The following KLHDC10 variants were observed in gnomAD, a reference collection of about 807,000 sequenced individuals.
The protein encoded by KLHDC10 is kelch domain containing 10.
KLHDC10 carries 24 observed loss-of-function variants against 56.1 expected under a neutral mutation model. That is an observed-to-expected ratio of 0.43 (90% CI 0.31 to 0.60). The LOEUF is 0.60. KLHDC10 is among the 20% of genes least tolerant of loss of function. The pLI is 0.11. For missense variants in KLHDC10, 349 were observed against 567.0 expected (o/e 0.62, Z 3.91); for synonymous variants, 188 against 207.1 (o/e 0.91, Z 0.79).
Position 130,116,496 on chromosome 7 carries a change from C to A in KLHDC10, c.305C>A (p.Thr102Asn). The stretch of plus-strand genomic sequence containing the variant: ...GGACATCGTTGTGTGGCAGATAATA[C>A]CAACCTATATGTGTTTGGAGGTTAT... ...RSGHRCVADNTNLYVFGGYNP... is the reference protein window; with the variant it reads ...RSGHRCVADNNNLYVFGGYNP... The change falls in exon 3 of 10, where the codon ACC becomes AAC. Residue 102 changes from threonine (T) to asparagine (N), a missense_variant. Physicochemically the swap from Thr to Asn is moderately conservative, Grantham distance 65. Transcript: ENST00000335420. The surrounding 1 kb of genome is among the most constrained non-coding windows in gnomAD (Gnocchi z 4.8). 1 of 1,614,148 alleles carries A rather than the reference C, an allele frequency of 6.2e-7. No individual in the cohort carries two copies. The highest frequency in any genetic ancestry group is 8.5e-7 in the Non-Finnish European group (1 of 1,180,014).
Position 130,073,508 on chromosome 7 carries a change from C to T in KLHDC10, c.166+2699C>T, listed in dbSNP as rs146339636. On this transcript the variant is annotated intron_variant, in intron 1 of 9. Transcript: ENST00000335420. ...ATGGGTTTTTGCCATGTTGGCCAGG[C>T]TGGGCTCGAACTCCTGGCCTCAAGT... Among the ~76,000 whole-genome samples, 972 of 152,148 alleles carry T rather than the reference C, an allele frequency of 6.4e-3. 5 individuals carry two copies. Among genetic ancestry groups the T allele is most frequent in the Middle Eastern group, 0.024 (7 of 294 alleles).
intron 4 of KLHDC10, among the ~76,000 whole-genome samples, chr7:130,121,818 G>T (rs533764093): frequency 1.3e-5 from 2 of 152,258 alleles, no homozygotes; most frequent in East Asian, 3.9e-4. Context: ...GAATCATCTT[G>T]GGAGGTAGGA....
chr7:130,084,385 A>G (rs1563097440), intron 1 of KLHDC10, among the ~76,000 whole-genome samples: 1 of 152,208 alleles, frequency 6.6e-6, no homozygotes, highest in Non-Finnish European at 1.5e-5. Flanking sequence ...TAGGTGGTAT[A>G]TCAGTGGTTG....
rs994607833 is a variant in KLHDC10, at chr7:130,129,429, C to T, written c.980-8C>T. 3.1e-6 allele frequency: 5 copies of T among 1,612,872 alleles called. No individual in the cohort carries two copies. The South Asian group carries it at 3.3e-5, about 11-fold the overall frequency. On this transcript the variant is annotated splice_polypyrimidine_tract_variant and splice_region_variant and intron_variant, in intron 8 of 9. Transcript: ENST00000335420. ...TTGTGTGATCTTGGCTTTCTCTTTT[C>T]TTCATAGATGTATTTATTTGTGGGG...
intron 2 of KLHDC10, among the ~76,000 whole-genome samples, chr7:130,100,294 C>T (rs774027889): frequency 3.9e-5 from 6 of 152,252 alleles, no homozygotes; most frequent in Non-Finnish European, 7.4e-5. Flanking sequence ...TGGCAGGCCT[C>T]TCCCCTCTTT....
chr7:130,070,895 G>T lies in KLHDC10; in HGVS notation c.166+86G>T, dbSNP rs1795399326. The T allele has an allele frequency of 2.9e-6, 3 of 1,045,984 alleles. No individual in the cohort carries two copies. The South Asian group carries it at 1.2e-4, about 43-fold the overall frequency. The allele number at this position is 1,045,984 out of a possible 1,614,324, so 64.8% of individuals were successfully genotyped here. A position where few individuals can be genotyped will look rare whatever the true frequency, so the allele number is the denominator to read the frequency against. ...TTTTCTCCCTGGCTTGCTTTTCCTTGGGAGGAGGAAAGGCAGGCCCCACGC... is the reference window on the plus strand; with the variant it reads ...TTTTCTCCCTGGCTTGCTTTTCCTTTGGAGGAGGAAAGGCAGGCCCCACGC... On this transcript the variant is annotated intron_variant, in intron 1 of 9. Transcript: ENST00000335420.
chr7:130,085,116 C>T (rs568095679), intron 1 of KLHDC10, among the ~76,000 whole-genome samples: 4 of 149,902 alleles, frequency 2.7e-5, no homozygotes, highest in African/African-American at 4.9e-5. Context: ...GAGGCCGAGA[C>T]GAGGTTGGGA....
intron 5 of KLHDC10, 95 bp downstream of exon 5, chr7:130,122,297 G>C (rs1796258587): frequency 8.3e-6 from 10 of 1,204,968 alleles, no homozygotes; most frequent in Non-Finnish European, 1.0e-5. Flanking sequence ...TTTGGCCCCA[G>C]TTAGAATAAC....
At chr7:130,089,839 C>T (rs1795746181) in intron 1 of KLHDC10, among the ~76,000 whole-genome samples, 1 of 152,042 alleles carries the variant, frequency 6.6e-6, no homozygotes, top group African/African-American at 2.4e-5. Context: ...GTTGTAGCCA[C>T]CTAAGTCAGA....
At chr7:130,071,832 A>G (rs956734038) in intron 1 of KLHDC10, among the ~76,000 whole-genome samples, 1 of 152,224 alleles carries the variant, frequency 6.6e-6, no homozygotes, top group African/African-American at 2.4e-5. Flanking sequence ...GTTTTTATGA[A>G]TTGTGCTTAA....
Position 130,105,203 on chromosome 7 carries a change from A to G in KLHDC10, c.253+8196A>G, listed in dbSNP as rs571338955. On this transcript the variant is annotated intron_variant, in intron 2 of 9. Coordinates refer to ENST00000335420, the MANE Select transcript of KLHDC10 (RefSeq NM_014997.4). ...TTTTGAAAACATTTTGGCTTTACCAAACGAAGGTGAAGATTTACATACATT... is the reference window on the plus strand; with the variant it reads ...TTTTGAAAACATTTTGGCTTTACCAGACGAAGGTGAAGATTTACATACATT... Among the ~76,000 whole-genome samples the G allele has an allele frequency of 4.6e-5, 7 of 152,328 alleles. No homozygotes were observed. The East Asian group carries it at 1.2e-3, about 25-fold the overall frequency.
intron 2 of KLHDC10, among the ~76,000 whole-genome samples, chr7:130,100,140 A>G (rs1375570118): frequency 6.6e-6 from 1 of 152,026 alleles, no homozygotes; most frequent in Non-Finnish European, 1.5e-5. Context: ...TTGATTTGAC[A>G]TATAAGGAAG....
chr7:130,073,869 C>G (rs1231820429), intron 1 of KLHDC10, among the ~76,000 whole-genome samples: 3 of 152,136 alleles, frequency 2.0e-5, no homozygotes, highest in Non-Finnish European at 4.4e-5. Context: ...TCTTTTACTC[C>G]TGCCATAACT....
intron 1 of KLHDC10, among the ~76,000 whole-genome samples, chr7:130,079,563 A>G (rs1295841291): frequency 6.6e-6 from 1 of 152,100 alleles, no homozygotes; most frequent in Non-Finnish European, 1.5e-5. Context: ...GTGTATTAGT[A>G]TTTTAAACGT....
chr7:130,105,812 G>A (rs1300255946), intron 2 of KLHDC10, among the ~76,000 whole-genome samples: 1 of 152,160 alleles, frequency 6.6e-6, no homozygotes, highest in African/African-American at 2.4e-5. Flanking sequence ...GCAGTATTGT[G>A]TTTCTTGAGC....
At chr7:130,083,523 T>C (rs1263182212) in intron 1 of KLHDC10, among the ~76,000 whole-genome samples, 1 of 152,260 alleles carries the variant, frequency 6.6e-6, no homozygotes, top group Non-Finnish European at 1.5e-5. Flanking sequence ...TTTTTGATTC[T>C]GTACATACCA....
intron 1 of KLHDC10, among the ~76,000 whole-genome samples, chr7:130,078,305 C>T (rs1380876950): frequency 2.0e-5 from 3 of 151,494 alleles, no homozygotes; most frequent in Admixed American, 6.6e-5. Context: ...ACCCTGGAGG[C>T]GGAGGTTGCA....
At chr7:130,121,651 A>T (rs897553172) in intron 4 of KLHDC10, among the ~76,000 whole-genome samples, 1 of 152,238 alleles carries the variant, frequency 6.6e-6, no homozygotes, top group Non-Finnish European at 1.5e-5. Context: ...TTGAACTGCT[A>T]ACTAGGGTTT....
In KLHDC10 at chr7:130,087,478, G is replaced by A. The variant is rs192128053; in HGVS notation, c.167-9443G>A. 1.2e-3 allele frequency among the ~76,000 whole-genome samples: 181 copies of A among 151,906 alleles called. 1 individual carries two copies. The highest frequency in any genetic ancestry group is 4.1e-3 in the African/African-American group (168 of 41,412). ...GATGTGAGCATTAAAGCGTCATAAG[G>A]CATAATAAGACTAGATAGTGAAGTG... On this transcript the variant is annotated intron_variant, in intron 1 of 9. Transcript: ENST00000335420.
Sources: gnomAD v4.1 joint callset for allele counts (sites outside exome capture counted in the v4.1 genomes callset) on GRCh38, gnomAD v4.1.1 for gene constraint, Gnocchi (gnomAD v3.1) non-coding constraint, MANE v1.5 for transcripts, NCBI Gene and HGNC (gene_info 2026-07-23, HGNC 2026-07-21) for gene names.